Variants in MTUS2 observed in about 807,000 individuals in gnomAD.
The protein encoded by MTUS2 is microtubule associated scaffold protein 2.
A neutral mutation model predicts 114.1 loss-of-function variants in MTUS2; 40 were observed. The observed-to-expected ratio is 0.35, with a 90% CI of 0.27 to 0.46. The LOEUF (loss-of-function observed/expected upper bound fraction) is 0.46. Among genes scored for constraint, MTUS2 ranks in the 20% least tolerant of loss-of-function variants. MTUS2 has a pLI of 1.00. For synonymous variants in MTUS2, 688 were observed against 672.0 expected (o/e 1.02, Z -0.37); for missense variants, 1,679 against 1,705.4 (o/e 0.98, Z 0.27).
At chr13:29,171,070 C>T (rs868087331) in intron 5 of MTUS2, among the ~76,000 whole-genome samples, 7 of 152,026 alleles carry the variant, frequency 4.6e-5, no homozygotes, top group Non-Finnish European at 1.5e-5. Context: ...TGTGCATATT[C>T]TTACAAAGAT....
intron 4 of MTUS2, among the ~76,000 whole-genome samples, chr13:29,095,241 G>A (rs1270658677): frequency 6.6e-6 from 1 of 152,088 alleles, no homozygotes; most frequent in Non-Finnish European, 1.5e-5. Flanking sequence ...TATTGAAAGT[G>A]AGGTATTGAA....
intron 4 of MTUS2, among the ~76,000 whole-genome samples, chr13:29,077,454 A>C (rs1331435435): frequency 1.3e-5 from 2 of 152,238 alleles, no homozygotes; most frequent in Admixed American, 1.3e-4. Flanking sequence ...TACCAGAGAA[A>C]AACTTCAAAT....
chr13:29,329,140 T>C (rs1900654387), intron 7 of MTUS2, among the ~76,000 whole-genome samples: 1 of 152,210 alleles, frequency 6.6e-6, no homozygotes. Flanking sequence ...ATACCCTTTT[T>C]TAAAATTATA....
chr13:28,846,936 T>C (rs1186377884), intron 2 of MTUS2, among the ~76,000 whole-genome samples: 2 of 152,240 alleles, frequency 1.3e-5, no homozygotes, highest in Non-Finnish European at 2.9e-5. Flanking sequence ...CCATGTCTTA[T>C]TCATTCCCAA....
At chr13:29,499,149 T>G (rs1051518167) in intron 14 of MTUS2, among the ~76,000 whole-genome samples, 1 of 152,162 alleles carries the variant, frequency 6.6e-6, no homozygotes, top group Non-Finnish European at 1.5e-5. Flanking sequence ...GCACAGGAAT[T>G]TGGGGGGACA....
chr13:28,936,591 A>G (rs1183195379), intron 2 of MTUS2, among the ~76,000 whole-genome samples: 1 of 151,298 alleles, frequency 6.6e-6, no homozygotes, highest in African/African-American at 2.4e-5. Context: ...ACCTGCAGCT[A>G]CTCCTTCCTG....
intron 2 of MTUS2, among the ~76,000 whole-genome samples, chr13:28,869,217 T>C (rs957887508): frequency 6.6e-6 from 1 of 152,220 alleles, no homozygotes; most frequent in South Asian, 2.1e-4. Context: ...TAACCTGCTG[T>C]GGGTTTCTGA....
chr13:29,056,750 A>G (rs1035633991), intron 4 of MTUS2, among the ~76,000 whole-genome samples: 5 of 151,970 alleles, frequency 3.3e-5, no homozygotes, highest in Admixed American at 1.3e-4. Flanking sequence ...TATTCTTTCA[A>G]AAACTAAACT....
At chr13:29,361,261 A>G (rs1433968875) in intron 8 of MTUS2, among the ~76,000 whole-genome samples, 6 of 152,200 alleles carry the variant, frequency 3.9e-5, no homozygotes, top group African/African-American at 1.2e-4. Flanking sequence ...TACACTTGGC[A>G]TGACATTTCA....
intron 8 of MTUS2, chr13:29,428,893 G>A: frequency 6.2e-7 from 1 of 1,614,086 alleles, no homozygotes; most frequent in African/African-American, 1.3e-5. Context: ...GCCTGGACAA[G>A]ACGGTACTTT....
intron 5 of MTUS2, among the ~76,000 whole-genome samples, chr13:29,162,260 GGGTCT>G (rs1893129583): frequency 6.6e-6 from 1 of 152,184 alleles, no homozygotes; most frequent in Admixed American, 6.5e-5. Flanking sequence ...CATATTCACA[GGGTCT>G]GGGTGAACGT....
intron 2 of MTUS2, among the ~76,000 whole-genome samples, chr13:29,013,307 G>T (rs2138429488): frequency 6.6e-6 from 1 of 152,148 alleles, no homozygotes; most frequent in South Asian, 2.1e-4. Context: ...CCTGTCTCAT[G>T]AAGCAATGGC....
intron 6 of MTUS2, among the ~76,000 whole-genome samples, chr13:29,317,307 C>A (rs1900032821): frequency 6.6e-6 from 1 of 152,202 alleles, no homozygotes; most frequent in Non-Finnish European, 1.5e-5. Flanking sequence ...ACTTTAGTGC[C>A]TCAATATCAG....
At chr13:29,358,919 T>G (rs1869985436) in intron 7 of MTUS2, among the ~76,000 whole-genome samples, 1 of 143,918 alleles carries the variant, frequency 6.9e-6, no homozygotes, top group African/African-American at 2.5e-5. Flanking sequence ...ATTGATTAAT[T>G]TCCCATTAGA....
At chr13:28,968,907 A>T (rs1329178565) in intron 2 of MTUS2, among the ~76,000 whole-genome samples, 1 of 152,230 alleles carries the variant, frequency 6.6e-6, no homozygotes, top group Non-Finnish European at 1.5e-5. Flanking sequence ...TGAAGTTTAA[A>T]ATATTAAAAA....
chr13:29,381,672 G>A (rs909261587), intron 8 of MTUS2, among the ~76,000 whole-genome samples: 7 of 152,138 alleles, frequency 4.6e-5, no homozygotes, highest in Non-Finnish European at 7.4e-5. Flanking sequence ...CAAAGCCCAC[G>A]TTCATCATGA....
At position 29,023,715 on chromosome 13, in the gene MTUS2, G is replaced by A. The variant is rs141822466; in HGVS notation, c.-242-742G>A. The stretch of plus-strand genomic sequence containing the variant: ...AACATGTTTTGAAAATCCAGGCTCC[G>A]CTGACATTTTTTGGGACCAGTTAGG... On this transcript the variant is annotated intron_variant, in intron 2 of 15. Transcript: ENST00000612955. 2.0e-5 allele frequency among the ~76,000 whole-genome samples: 3 copies of A among 152,180 alleles called. No individual in the cohort carries two copies. The East Asian group carries it at 5.8e-4, about 29-fold the overall frequency.
Position 29,126,679 on chromosome 13 carries a change from T to G in MTUS2, c.2644+25709T>G, listed in dbSNP as rs1369995208. Among the ~76,000 whole-genome samples the G allele has an allele frequency of 2.6e-5, 4 of 152,230 alleles. No individual in the cohort carries two copies. In the East Asian group the frequency reaches 5.8e-4, roughly 22 times the overall value. ...CATCAGCTGTTGTTAGTATATTTTATGTGTGGCCCAAGACAATTCTTCTTT... is the reference window on the plus strand; with the variant it reads ...CATCAGCTGTTGTTAGTATATTTTAGGTGTGGCCCAAGACAATTCTTCTTT... On this transcript the variant is annotated intron_variant, in intron 5 of 15. Coordinates refer to ENST00000612955, the MANE Select transcript of MTUS2 (RefSeq NM_001033602.4).
intron 5 of MTUS2, among the ~76,000 whole-genome samples, chr13:29,153,721 C>T (rs1334683968): frequency 6.6e-6 from 1 of 152,158 alleles, no homozygotes; most frequent in Non-Finnish European, 1.5e-5. Flanking sequence ...TTCTCTTCCT[C>T]CTGCATCCTT....
Sources: gnomAD v4.1 joint callset for allele counts (sites outside exome capture counted in the v4.1 genomes callset) on GRCh38, gnomAD v4.1.1 for gene constraint, MANE v1.5 for transcripts, NCBI Gene and HGNC (gene_info 2026-07-23, HGNC 2026-07-21) for gene names.